Variants in CTNNA2 observed in about 807,000 individuals in gnomAD.
CTNNA2 encodes the protein catenin alpha-2.
A neutral mutation model predicts 101.0 loss-of-function variants in CTNNA2; 42 were observed. That is an observed-to-expected ratio of 0.42 (90% CI 0.32 to 0.54). The LOEUF is 0.54. CTNNA2 is among the 20% of genes least tolerant of loss of function. CTNNA2 has a pLI of 0.14. For synonymous variants in CTNNA2, 450 were observed against 456.4 expected (o/e 0.99, Z 0.18); for missense variants, 871 against 1,223.1 (o/e 0.71, Z 4.29).
At chr2:80,379,555 G>C (rs1167713491) in intron 7 of CTNNA2, among the ~76,000 whole-genome samples, 1 of 151,928 alleles carries the variant, frequency 6.6e-6, no homozygotes, top group African/African-American at 2.4e-5. Context: ...TGTGGATTTT[G>C]GTTCTATTTC....
chr2:80,264,023 A>G (rs1672814760), intron 7 of CTNNA2, among the ~76,000 whole-genome samples: 2 of 152,218 alleles, frequency 1.3e-5, no homozygotes, highest in African/African-American at 4.8e-5. Context: ...AAGTCTTTTA[A>G]TACACACGTC....
chr2:80,071,850 A>G (rs1319102915), intron 7 of CTNNA2, among the ~76,000 whole-genome samples: 1 of 152,228 alleles, frequency 6.6e-6, no homozygotes, highest in East Asian at 1.9e-4. Context: ...TGTCTGCTGC[A>G]GACATAACAG....
At chr2:79,304,202 C>G (rs1473537742) in intron 2 of CTNNA2, among the ~76,000 whole-genome samples, 2 of 152,100 alleles carry the variant, frequency 1.3e-5, no homozygotes, top group East Asian at 3.9e-4. Context: ...GAAACTGCGT[C>G]AAGGGTGACT....
intron 1 of CTNNA2, among the ~76,000 whole-genome samples, chr2:79,188,105 T>C (rs941186793): frequency 6.6e-6 from 1 of 152,158 alleles, no homozygotes; most frequent in African/African-American, 2.4e-5. Flanking sequence ...TGTTATGTAA[T>C]TTTATGGATA....
intron 13 of CTNNA2, among the ~76,000 whole-genome samples, chr2:80,579,903 C>T (rs1217287193): frequency 2.0e-5 from 3 of 152,204 alleles, no homozygotes; most frequent in African/African-American, 4.8e-5. Context: ...ACTACATCAT[C>T]GGTATTCCTT....
chr2:79,687,960 A>G (rs147269972), intron 2 of CTNNA2, among the ~76,000 whole-genome samples: 208 of 152,222 alleles, frequency 1.4e-3, no homozygotes, highest in African/African-American at 4.8e-3. Context: ...AAGGACAACA[A>G]ACTATAAAGT....
At chr2:79,371,656 T>G (rs994359644) in intron 3 of CTNNA2, among the ~76,000 whole-genome samples, 1 of 152,120 alleles carries the variant, frequency 6.6e-6, no homozygotes, top group East Asian at 1.9e-4. Context: ...TGGTTAAAAA[T>G]TCTAGGTCTT....
chr2:79,536,034 T>A (rs1336411714), intron 1 of CTNNA2, among the ~76,000 whole-genome samples: 1 of 152,208 alleles, frequency 6.6e-6, no homozygotes, highest in African/African-American at 2.4e-5. Context: ...CTTGAAGGGA[T>A]GCAACGTAGA....
intron 1 of CTNNA2, among the ~76,000 whole-genome samples, chr2:79,564,556 C>A (rs1242354888): frequency 6.6e-6 from 1 of 152,024 alleles, no homozygotes; most frequent in Non-Finnish European, 1.5e-5. Flanking sequence ...TTTAGAAATC[C>A]TACTCTGGGG....
chr2:80,562,118 G>A (rs1350619092), intron 12 of CTNNA2, among the ~76,000 whole-genome samples: 1 of 133,404 alleles, frequency 7.5e-6, no homozygotes, highest in Non-Finnish European at 1.8e-5. Context: ...CTCTCTCCAG[G>A]TTATTTCACT....
intron 2 of CTNNA2, among the ~76,000 whole-genome samples, chr2:79,668,246 CAAAAAAAA>C (rs34348942): frequency 1.4e-4 from 10 of 69,306 alleles, no homozygotes; most frequent in African/African-American, 4.3e-4. Context: ...GACTCCGTCT[CAAAAAAAA>C]AAAAAAAAAA....
intron 7 of CTNNA2, among the ~76,000 whole-genome samples, chr2:80,349,357 T>C (rs1673070852): frequency 6.6e-6 from 1 of 152,154 alleles, no homozygotes; most frequent in African/African-American, 2.4e-5. Context: ...AAGGCAGCTT[T>C]GTTGATTTGT....
chr2:80,162,237 C>T (rs1329548150), intron 7 of CTNNA2, among the ~76,000 whole-genome samples: 1 of 152,136 alleles, frequency 6.6e-6, no homozygotes, highest in African/African-American at 2.4e-5. Flanking sequence ...GCATAAAACC[C>T]TTTCCTCTTC....
At chr2:79,276,677 G>T (rs1032988751) in intron 2 of CTNNA2, among the ~76,000 whole-genome samples, 4 of 151,602 alleles carry the variant, frequency 2.6e-5, no homozygotes, top group South Asian at 2.1e-4. Flanking sequence ...CACATCTTTT[G>T]GTGGTTTTCT....
intron 4 of CTNNA2, among the ~76,000 whole-genome samples, chr2:79,465,077 G>C (rs1573178361): frequency 6.6e-6 from 1 of 152,114 alleles, no homozygotes; most frequent in Admixed American, 6.5e-5. Flanking sequence ...GTCCTGAATG[G>C]TATTGCCTAG....
At chr2:80,406,617 G>T (rs1679084680) in intron 8 of CTNNA2, among the ~76,000 whole-genome samples, 1 of 152,028 alleles carries the variant, frequency 6.6e-6, no homozygotes, top group Non-Finnish European at 1.5e-5. Context: ...ATGAGGTCAG[G>T]GGATCGCGAC....
At chr2:79,261,218 C>T (rs951108991) in intron 2 of CTNNA2, among the ~76,000 whole-genome samples, 2 of 152,154 alleles carry the variant, frequency 1.3e-5, no homozygotes, top group African/African-American at 4.8e-5. Context: ...TACTCCTTCC[C>T]ATCCATACTC....
chr2:79,899,478 C>T (rs1379976848), intron 6 of CTNNA2, among the ~76,000 whole-genome samples: 1 of 152,116 alleles, frequency 6.6e-6, no homozygotes, highest in Non-Finnish European at 1.5e-5. Flanking sequence ...TGAACTTCCT[C>T]GCCCAGTTTA....
At chr2:80,078,838 T>C (rs1014439778) in intron 7 of CTNNA2, among the ~76,000 whole-genome samples, 12 of 152,328 alleles carry the variant, frequency 7.9e-5, no homozygotes, top group Admixed American at 5.9e-4. Flanking sequence ...TCTCCAGGCA[T>C]GTCTTATTCT....
Sources: gnomAD v4.1 joint callset for allele counts (sites outside exome capture counted in the v4.1 genomes callset) on GRCh38, gnomAD v4.1.1 for gene constraint, MANE v1.5 for transcripts, NCBI Gene and HGNC (gene_info 2026-07-23, HGNC 2026-07-21) for gene names.